Variants in PAPSS1 observed in about 807,000 individuals in gnomAD.
PAPSS1 encodes the protein 3'-phosphoadenosine 5'-phosphosulfate synthase 1.
A neutral mutation model predicts 72.0 loss-of-function variants in PAPSS1; 50 were observed. The observed-to-expected ratio is 0.69, with a 90% CI of 0.55 to 0.88. PAPSS1 has a LOEUF of 0.88. PAPSS1 is among the 40% of genes least tolerant of loss of function. PAPSS1 has a pLI of 0.00. For synonymous variants in PAPSS1, 261 were observed against 263.6 expected, an observed-to-expected ratio of 0.99 and a Z score of 0.09; for missense variants, 657 against 782.2, an observed-to-expected ratio of 0.84 and a Z score of 1.91.
At chr4:107,616,581 T>C (rs942105558) in intron 11 of PAPSS1, among the ~76,000 whole-genome samples, 3 of 152,168 alleles carry the variant, frequency 2.0e-5, no homozygotes, top group Admixed American at 2.0e-4. Flanking sequence ...ATGTATTGGT[T>C]CAATATAGCA....
intron 10 of PAPSS1, among the ~76,000 whole-genome samples, chr4:107,634,513 T>C (rs994571914): frequency 6.6e-6 from 1 of 152,156 alleles, no homozygotes; most frequent in Non-Finnish European, 1.5e-5. Context: ...TCCAAGTAAA[T>C]GGTGGATCAT....
At chr4:107,623,251 T>C in intron 11 of PAPSS1, among the ~76,000 whole-genome samples, 1 of 152,094 alleles carries the variant, frequency 6.6e-6, no homozygotes. Flanking sequence ...GTGAAGTCTC[T>C]GCAGGTCTGC....
At chr4:107,702,751 T>C (rs534960257) in intron 1 of PAPSS1, among the ~76,000 whole-genome samples, 26 of 152,224 alleles carry the variant, frequency 1.7e-4, no homozygotes, top group Admixed American at 5.2e-4. Context: ...ATTTATCAAC[T>C]GGTCAACACT....
chr4:107,720,032 A>G (rs2125946855), intron 1 of PAPSS1, 88 bp downstream of exon 1: 6 of 1,564,812 alleles, frequency 3.8e-6, no homozygotes, highest in South Asian at 3.5e-5. Context: ...ATGGATGCGG[A>G]GGAGGCGGGA....
chr4:107,666,686 A>G (rs953608302), intron 5 of PAPSS1, among the ~76,000 whole-genome samples: 1 of 152,196 alleles, frequency 6.6e-6, no homozygotes, highest in Admixed American at 6.5e-5. Context: ...AGACCATTAA[A>G]CAATTCCAGG....
At chr4:107,639,734 A>G (rs189067103) in intron 10 of PAPSS1, among the ~76,000 whole-genome samples, 2 of 152,344 alleles carry the variant, frequency 1.3e-5, no homozygotes, top group East Asian at 3.9e-4. Context: ...CTCAAGAAGT[A>G]ACATCAGTTG....
intron 5 of PAPSS1, among the ~76,000 whole-genome samples, chr4:107,665,902 C>A (rs1356241380): frequency 1.3e-5 from 2 of 152,156 alleles, no homozygotes; most frequent in African/African-American, 2.4e-5. Flanking sequence ...TCATTTTAAT[C>A]TTCCTAAAGA....
At chr4:107,673,933 T>C (rs903472246) in intron 5 of PAPSS1, among the ~76,000 whole-genome samples, 55 of 152,188 alleles carry the variant, frequency 3.6e-4, no homozygotes, top group Admixed American at 3.2e-3. Flanking sequence ...CAGAATTTCA[T>C]ATGCAGCCAA....
At chr4:107,615,568 G>C (rs1216927711) in intron 11 of PAPSS1, among the ~76,000 whole-genome samples, 1 of 152,262 alleles carries the variant, frequency 6.6e-6, no homozygotes, top group East Asian at 1.9e-4. Flanking sequence ...CTATATGAAA[G>C]TCATTTTACA....
At chr4:107,703,917 G>A (rs560886515) in intron 1 of PAPSS1, among the ~76,000 whole-genome samples, 1 of 152,116 alleles carries the variant, frequency 6.6e-6, no homozygotes, top group African/African-American at 2.4e-5. Flanking sequence ...GGATTGCATT[G>A]AATCTGTAGA....
intron 9 of PAPSS1, among the ~76,000 whole-genome samples, chr4:107,649,588 T>C (rs1726785485): frequency 6.6e-6 from 1 of 152,240 alleles, no homozygotes; most frequent in South Asian, 2.1e-4. Context: ...TCTGGCTTGC[T>C]GTCACTTATC....
intron 3 of PAPSS1, among the ~76,000 whole-genome samples, chr4:107,687,383 C>G (rs1047643670): frequency 6.6e-6 from 1 of 152,066 alleles, no homozygotes; most frequent in African/African-American, 2.4e-5. Context: ...TACTGTTCTA[C>G]TAACCCAGGA....
At chr4:107,672,301 G>T (rs143393285) in intron 5 of PAPSS1, among the ~76,000 whole-genome samples, 2 of 152,080 alleles carry the variant, frequency 1.3e-5, no homozygotes, top group Non-Finnish European at 2.9e-5. Flanking sequence ...AGGGGTCAGG[G>T]AATTCCCTTT....
chr4:107,652,086 AGG>A (rs1480055505), intron 9 of PAPSS1, among the ~76,000 whole-genome samples: 1 of 152,172 alleles, frequency 6.6e-6, no homozygotes, highest in Non-Finnish European at 1.5e-5. Flanking sequence ...GCTTGGAACG[AGG>A]GCCTCTGGTT....
chr4:107,619,493 C>T (rs1560561940), intron 11 of PAPSS1, among the ~76,000 whole-genome samples: 1 of 152,126 alleles, frequency 6.6e-6, no homozygotes, highest in African/African-American at 2.4e-5. Flanking sequence ...AAGGAGTGGA[C>T]ACAAGAGTCA....
chr4:107,649,722 T>C (rs1335990831), intron 9 of PAPSS1, among the ~76,000 whole-genome samples: 2 of 152,252 alleles, frequency 1.3e-5, no homozygotes, highest in African/African-American at 4.8e-5. Flanking sequence ...ACTTAAAATG[T>C]AGTTTGTAAT....
intron 3 of PAPSS1, among the ~76,000 whole-genome samples, chr4:107,693,413 A>G (rs1722992936): frequency 6.6e-6 from 1 of 152,224 alleles, no homozygotes; most frequent in South Asian, 2.1e-4. Context: ...GGTAGGGCAC[A>G]TGTTAAGAAA....
At chr4:107,664,766 T>C (rs1278752076) in intron 5 of PAPSS1, among the ~76,000 whole-genome samples, 1 of 152,200 alleles carries the variant, frequency 6.6e-6, no homozygotes, top group African/African-American at 2.4e-5. Flanking sequence ...ATCAAATTAC[T>C]GAAATATTTT....
Position 107,720,108 on chromosome 4 carries a change from T to C in PAPSS1, c.60+12A>G. ...TCCGCTCCTCGCCGTCTCGCCTTCG[T>C]CCCCAGCTTACCCAGTTCTGCGCGT... On this transcript the variant is annotated intron_variant, in intron 1 of 11. Transcript: ENST00000265174. The C allele has an allele frequency of 6.2e-7, 1 of 1,600,726 alleles. No homozygotes were observed. The highest frequency in any genetic ancestry group is 8.5e-7 in the Non-Finnish European group (1 of 1,174,256).
Sources: gnomAD v4.1 joint callset for allele counts (sites outside exome capture counted in the v4.1 genomes callset) on GRCh38, gnomAD v4.1.1 for gene constraint, MANE v1.5 for transcripts, NCBI Gene and HGNC (gene_info 2026-07-23, HGNC 2026-07-21) for gene names.